The following GPR158 variants were observed in gnomAD, a reference collection of about 807,000 sequenced individuals.
GPR158 encodes the protein G protein-coupled receptor 158.
Under a neutral mutation model 78.2 loss-of-function variants are expected in GPR158, and 30 were observed. That is an observed-to-expected ratio of 0.38 (90% CI 0.29 to 0.52). The LOEUF (loss-of-function observed/expected upper bound fraction) is 0.52. GPR158 is among the 20% of genes least tolerant of loss of function. The pLI, the probability that GPR158 is intolerant of heterozygous loss-of-function variation, is 0.83. For synonymous variants in GPR158, 581 were observed against 591.1 expected (o/e 0.98, Z 0.25); for missense variants, 1,463 against 1,523.5 (o/e 0.96, Z 0.66).
intron 6 of GPR158, among the ~76,000 whole-genome samples, chr10:25,566,959 C>G (rs1450833192): frequency 6.6e-6 from 1 of 151,980 alleles, no homozygotes; most frequent in Non-Finnish European, 1.5e-5. Context: ...ATTGGCTTTA[C>G]TCTTACGAGA....
intron 4 of GPR158, among the ~76,000 whole-genome samples, chr10:25,459,462 G>A (rs985747489): frequency 3.9e-5 from 6 of 152,178 alleles, no homozygotes; most frequent in African/African-American, 1.4e-4. Flanking sequence ...GTAATAGAAG[G>A]TCTAAATGTT....
At chr10:25,551,221 C>T (rs1024077170) in intron 6 of GPR158, 136 bp downstream of exon 6, 10 of 609,772 alleles carry the variant, frequency 1.6e-5, no homozygotes, top group Admixed American at 5.8e-5. Context: ...ATATTTTTCA[C>T]TTTCAAGGTG....
intron 3 of GPR158, among the ~76,000 whole-genome samples, chr10:25,406,383 A>G (rs910846975): frequency 6.6e-6 from 1 of 152,040 alleles, no homozygotes; most frequent in African/African-American, 2.4e-5. Context: ...GTAATATCCA[A>G]CTCAGTAATC....
intron 4 of GPR158, among the ~76,000 whole-genome samples, chr10:25,420,785 G>A (rs1834738704): frequency 6.6e-6 from 1 of 152,104 alleles, no homozygotes; most frequent in African/African-American, 2.4e-5. Flanking sequence ...ATATGTTAAG[G>A]TGTATTTCTG....
In GPR158 at chr10:25,598,626, C is replaced by T; in HGVS notation, c.3000C>T (p.Asn1000=). The change falls in exon 11 of 11, where the codon AAC becomes AAT. Residue 1000 remains asparagine, a synonymous_variant. Transcript: ENST00000376351. ...LNPGTTQMKD[N]FDIGEVCPWE... ...CAGGCACCACCCAGATGAAGGACAA[C>T]TTTGACATTGGGGAGGTGTGTCCTT... is the stretch of plus-strand genomic sequence containing the variant. 6.2e-7 allele frequency: 1 copy of T among 1,614,098 alleles called. No individual in the cohort carries two copies.
At chr10:25,405,049 C>T (rs1484990739) in intron 3 of GPR158, among the ~76,000 whole-genome samples, 1 of 151,978 alleles carries the variant, frequency 6.6e-6, no homozygotes, top group African/African-American at 2.4e-5. Flanking sequence ...CTCAGTCTTC[C>T]CAGTGAATCA....
At chr10:25,548,718 G>C (rs548015509) in intron 5 of GPR158, among the ~76,000 whole-genome samples, 4 of 152,176 alleles carry the variant, frequency 2.6e-5, no homozygotes, top group Non-Finnish European at 5.9e-5. Flanking sequence ...GGCACATGCA[G>C]ACTAAGAGTT....
At chr10:25,480,864 C>A (rs1466290734) in intron 5 of GPR158, among the ~76,000 whole-genome samples, 2 of 152,104 alleles carry the variant, frequency 1.3e-5, no homozygotes, top group Non-Finnish European at 2.9e-5. Flanking sequence ...TGGTGGACAG[C>A]CTGCTGCCTG....
chr10:25,276,510 G>A (rs1447985108), intron 2 of GPR158, among the ~76,000 whole-genome samples: 4 of 152,114 alleles, frequency 2.6e-5, no homozygotes, highest in African/African-American at 9.7e-5. Flanking sequence ...AGGCCACTTT[G>A]TATAACATAC....
At chr10:25,362,194 C>T (rs779105842) in intron 2 of GPR158, among the ~76,000 whole-genome samples, 4 of 151,876 alleles carry the variant, frequency 2.6e-5, no homozygotes, top group Admixed American at 6.6e-5. Flanking sequence ...ATTATTTCAG[C>T]ATTATTTGTT....
chr10:25,529,244 G>A (rs1836391679), intron 5 of GPR158, among the ~76,000 whole-genome samples: 1 of 152,032 alleles, frequency 6.6e-6, no homozygotes, highest in South Asian at 2.1e-4. Context: ...AAAATTAGCC[G>A]GGCGTGGTGG....
chr10:25,591,953 G>C (rs528011105), intron 8 of GPR158, among the ~76,000 whole-genome samples: 65 of 151,986 alleles, frequency 4.3e-4, no homozygotes, highest in Non-Finnish European at 7.8e-4. Context: ...AATCAAGTAT[G>C]TACAATGTCT....
chr10:25,425,260 C>T (rs1216534482), intron 4 of GPR158, among the ~76,000 whole-genome samples: 1 of 152,098 alleles, frequency 6.6e-6, no homozygotes, highest in Middle Eastern at 3.2e-3. Context: ...ATTCTCCACA[C>T]TGTTTTCCAT....
chr10:25,572,599 A>G, intron 6 of GPR158, 50 bp from the exon 7 acceptor site: 1 of 1,133,382 alleles, frequency 8.8e-7, no homozygotes, highest in Non-Finnish European at 1.3e-6. Context: ...TTAGAGTTAT[A>G]CTTTCTGAAT....
At chr10:25,369,240 T>C (rs10764528) in intron 2 of GPR158, among the ~76,000 whole-genome samples, 75,563 of 145,040 alleles carry the variant, frequency 0.52, 22,519 homozygotes, top group Non-Finnish European at 0.71. Flanking sequence ...ATCCCTGTCT[T>C]GTGCCAGTTT....
At chr10:25,404,330 G>T (rs1035009716) in intron 3 of GPR158, among the ~76,000 whole-genome samples, 1 of 151,998 alleles carries the variant, frequency 6.6e-6, no homozygotes, top group Non-Finnish European at 1.5e-5. Flanking sequence ...TGTTAAAGAG[G>T]CAGTTTTTCA....
intron 5 of GPR158, among the ~76,000 whole-genome samples, chr10:25,545,469 G>A (rs566776307): frequency 3.3e-5 from 5 of 152,092 alleles, no homozygotes; most frequent in Admixed American, 6.6e-5. Flanking sequence ...GATGATGAGC[G>A]TTGTTTCATG....
At chr10:25,537,405 A>T (rs1836514820) in intron 5 of GPR158, among the ~76,000 whole-genome samples, 2 of 152,160 alleles carry the variant, frequency 1.3e-5, no homozygotes, top group African/African-American at 4.8e-5. Flanking sequence ...AGCACCTGTA[A>T]CAGATATTGG....
At chr10:25,203,498 T>C (rs1363309611) in intron 1 of GPR158, among the ~76,000 whole-genome samples, 1 of 151,908 alleles carries the variant, frequency 6.6e-6, no homozygotes, top group Non-Finnish European at 1.5e-5. Context: ...CAGCACCATT[T>C]ATTAAATAGG....
Sources: allele counts gnomAD v4.1 joint callset (sites outside exome capture counted in the v4.1 genomes callset), GRCh38; gene constraint gnomAD v4.1.1; transcripts MANE v1.5; gene names NCBI Gene and HGNC (gene_info 2026-07-23, HGNC 2026-07-21).